Variants in LRRTM3 observed in about 807,000 individuals in gnomAD.
LRRTM3 encodes the protein leucine rich repeat transmembrane neuronal 3, also known as leucine-rich repeat transmembrane neuronal protein 3.
A neutral mutation model predicts 44.7 loss-of-function variants in LRRTM3; 24 were observed. That is an observed-to-expected ratio of 0.54 (90% CI 0.39 to 0.76). The LOEUF (loss-of-function observed/expected upper bound fraction) is 0.76, where lower values mean the gene tolerates loss of function less well. Among genes scored for constraint, LRRTM3 ranks in the 30% least tolerant of loss-of-function variants. The pLI is 0.00. For synonymous variants in LRRTM3, 277 were observed against 278.7 expected (o/e 0.99, Z 0.06); for missense variants, 587 against 702.2 (o/e 0.84, Z 1.85).
chr10:66,932,860 C>T (rs1847485508), intron 2 of LRRTM3, among the ~76,000 whole-genome samples: 1 of 152,108 alleles, frequency 6.6e-6, no homozygotes, highest in African/African-American at 2.4e-5. Flanking sequence ...GATTCTTTTG[C>T]ATTTGAGGGA....
intron 2 of LRRTM3, among the ~76,000 whole-genome samples, chr10:67,003,663 A>T (rs1851807516): frequency 6.6e-6 from 1 of 152,196 alleles, no homozygotes; most frequent in Non-Finnish European, 1.5e-5. Flanking sequence ...AGTCTTATTA[A>T]CATAAAACTA....
At chr10:67,030,507 T>C (rs1286793443) in intron 2 of LRRTM3, among the ~76,000 whole-genome samples, 1 of 151,978 alleles carries the variant, frequency 6.6e-6, no homozygotes, top group Non-Finnish European at 1.5e-5. Flanking sequence ...AATATATAAA[T>C]ACATAAATTA....
rs1308880849 is a variant in LRRTM3, at chr10:67,088,626, C to G, written c.1537-8961C>G. On this transcript the variant is annotated intron_variant, in intron 2 of 2. Coordinates refer to ENST00000361320, the MANE Select transcript of LRRTM3 (RefSeq NM_178011.5). ...TCCTTACTCTAAATGCATTTTGATG[C>G]AAGGAGAACTGTGACCTTTCAAATA... Among the ~76,000 whole-genome samples the G allele has an allele frequency of 3.3e-5, 5 of 151,962 alleles. No homozygotes were observed. The South Asian group carries it at 1.0e-3, about 32-fold the overall frequency.
At chr10:67,018,776 C>T (rs1235327751) in intron 2 of LRRTM3, among the ~76,000 whole-genome samples, 5 of 152,266 alleles carry the variant, frequency 3.3e-5, no homozygotes, top group East Asian at 1.9e-4. Context: ...ATTTGAGCAA[C>T]GCACTTAAAA....
At chr10:66,968,759 G>C (rs960239605) in intron 2 of LRRTM3, among the ~76,000 whole-genome samples, 2 of 152,234 alleles carry the variant, frequency 1.3e-5, no homozygotes, top group Admixed American at 6.5e-5. Context: ...GCTCACACCT[G>C]TAATCCCAGC....
intron 2 of LRRTM3, among the ~76,000 whole-genome samples, chr10:66,978,526 CAAAAAAA>C (rs1170594360): frequency 1.7e-4 from 7 of 42,318 alleles, no homozygotes; most frequent in Non-Finnish European, 2.3e-4. Context: ...GACTCCATCT[CAAAAAAA>C]AAAAAAAAAA....
chr10:67,069,633 G>C (rs1355765879), intron 2 of LRRTM3, among the ~76,000 whole-genome samples: 1 of 126,376 alleles, frequency 7.9e-6, no homozygotes, highest in Admixed American at 1.0e-4. Flanking sequence ...ACATAGATTA[G>C]TTCTGTCTGT....
chr10:66,932,899 G>A lies in LRRTM3; in HGVS notation c.1536+4447G>A, dbSNP rs560879509. Among the ~76,000 whole-genome samples, 24 of 152,184 alleles carry A rather than the reference G, an allele frequency of 1.6e-4. No individual in the cohort carries two copies. The South Asian group carries it at 4.8e-3, about 30-fold the overall frequency. ...ATCACAGCCAGGCATGGTAGAATAC[G>A]GGCCTTAGAAATTAAGACCTAAATT... On this transcript the variant is annotated intron_variant, in intron 2 of 2. Coordinates refer to ENST00000361320, the MANE Select transcript of LRRTM3 (RefSeq NM_178011.5).
chr10:67,077,378 C>T lies in LRRTM3; in HGVS notation c.1537-20209C>T, dbSNP rs192189915. Among the ~76,000 whole-genome samples, 20 of 152,318 alleles carry T rather than the reference C, an allele frequency of 1.3e-4. No individual in the cohort carries two copies. The East Asian group carries it at 2.7e-3, about 21-fold the overall frequency. On this transcript the variant is annotated intron_variant, in intron 2 of 2. Coordinates refer to ENST00000361320, the MANE Select transcript of LRRTM3 (RefSeq NM_178011.5). ...CCCTAAAAATTTATAAAATGGTCCA[C>T]AAGGAACTAGTGGCCCTGATGGCTT...
intron 2 of LRRTM3, among the ~76,000 whole-genome samples, chr10:66,973,799 A>G (rs1353253809): frequency 6.6e-6 from 1 of 151,522 alleles, no homozygotes; most frequent in African/African-American, 2.4e-5. Context: ...AATTTTTTGT[A>G]TTTTTACTGA....
At chr10:66,926,811 G>GT in intron 1 of LRRTM3, 110 bp from the exon 2 acceptor site, 1 of 1,028,848 alleles carries the variant, frequency 9.7e-7, no homozygotes, top group Non-Finnish European at 1.4e-6. Flanking sequence ...GATGTTAAGT[G>GT]TTATTTAGAT....
intron 2 of LRRTM3, among the ~76,000 whole-genome samples, chr10:66,942,838 T>A (rs1235860047): frequency 6.6e-6 from 1 of 152,186 alleles, no homozygotes; most frequent in Non-Finnish European, 1.5e-5. Flanking sequence ...ACAATATCAA[T>A]ATTTATGTTT....
At chr10:66,959,783 C>T (rs1273054539) in intron 2 of LRRTM3, among the ~76,000 whole-genome samples, 5 of 152,080 alleles carry the variant, frequency 3.3e-5, no homozygotes, top group Admixed American at 3.3e-4. Context: ...TCTCTCTATC[C>T]GACCAGAAAC....
At chr10:67,087,480 T>C (rs1052164369) in intron 2 of LRRTM3, among the ~76,000 whole-genome samples, 1 of 151,986 alleles carries the variant, frequency 6.6e-6, no homozygotes, top group Non-Finnish European at 1.5e-5. Context: ...TAAAAAGTTT[T>C]ATACATTTAG....
At chr10:67,038,010 A>G (rs565154313) in intron 2 of LRRTM3, among the ~76,000 whole-genome samples, 2 of 152,270 alleles carry the variant, frequency 1.3e-5, no homozygotes, top group East Asian at 3.9e-4. Context: ...CATGTAAGCC[A>G]TAGGAGACGA....
chr10:67,084,892 A>C (rs7923320), intron 2 of LRRTM3, among the ~76,000 whole-genome samples: 28,126 of 151,768 alleles, frequency 0.19, 4,020 homozygotes, highest in African/African-American at 0.4. Flanking sequence ...AATAATAAGA[A>C]AACCAGTTTA....
At chr10:66,929,903 A>T (rs539557126) in intron 2 of LRRTM3, among the ~76,000 whole-genome samples, 1 of 152,330 alleles carries the variant, frequency 6.6e-6, no homozygotes, top group East Asian at 1.9e-4. Flanking sequence ...CAAAATGAAC[A>T]GTTCTATTAT....
intron 2 of LRRTM3, among the ~76,000 whole-genome samples, chr10:66,996,427 C>T (rs113521357): frequency 0.074 from 11,313 of 151,962 alleles, 582 homozygotes; most frequent in African/African-American, 0.14. Flanking sequence ...GGGCAGATTG[C>T]CTGGGCTCAG....
chr10:66,943,991 C>T (rs566299005), intron 2 of LRRTM3, among the ~76,000 whole-genome samples: 8 of 152,222 alleles, frequency 5.3e-5, no homozygotes, highest in African/African-American at 1.7e-4. Context: ...TGGCTGCAGA[C>T]AGATCAGGGT....
Sources: gnomAD v4.1 joint callset for allele counts (sites outside exome capture counted in the v4.1 genomes callset) on GRCh38, gnomAD v4.1.1 for gene constraint, MANE v1.5 for transcripts, NCBI Gene and HGNC (gene_info 2026-07-23, HGNC 2026-07-21) for gene names.